Variants in STX18 observed in about 807,000 individuals in gnomAD.
STX18 encodes the protein syntaxin-18.
A neutral mutation model predicts 50.1 loss-of-function variants in STX18; 40 were observed. The ratio of observed to expected loss-of-function variants is 0.80; its 90% CI spans 0.62 to 1.04. STX18 has a LOEUF of 1.04. Among genes scored for constraint, STX18 ranks in the 50% least tolerant of loss-of-function variants. The pLI, the probability that STX18 is intolerant of heterozygous loss-of-function variation, is 0.00. For synonymous variants in STX18, 158 were observed against 151.8 expected (o/e 1.04, Z -0.30); for missense variants, 410 against 415.8 (o/e 0.99, Z 0.12).
intron 1 of STX18, among the ~76,000 whole-genome samples, chr4:4,538,027 T>C (rs1197577301): frequency 6.6e-6 from 1 of 151,968 alleles, no homozygotes; most frequent in Non-Finnish European, 1.5e-5. Flanking sequence ...GCTACGACTT[T>C]GGGCAAGTAA....
chr4:4,542,000 C>A lies in STX18; in HGVS notation c.-36G>T. The A allele has an allele frequency of 6.5e-7, 1 of 1,534,762 alleles. No individual in the cohort carries two copies. Among genetic ancestry groups the A allele is most frequent in the East Asian group, 2.5e-5 (1 of 39,266 alleles). On this transcript the variant is annotated 5_prime_UTR_variant, in exon 1 of 11. Transcript: ENST00000306200. ...ACCCTCAGCCCCACACTAGGCCCGC[C>A]CACGTAAGCAGCCGGCGACCGCGGC... is the stretch of plus-strand genomic sequence containing the variant.
chr4:4,487,681 C>T (rs1279944235), intron 1 of STX18, among the ~76,000 whole-genome samples: 1 of 152,192 alleles, frequency 6.6e-6, no homozygotes, highest in African/African-American at 2.4e-5. Context: ...AAAACAAACC[C>T]ATCAATTTTA....
chr4:4,484,154 G>GCA (rs1728600764), intron 1 of STX18, among the ~76,000 whole-genome samples: 1 of 152,060 alleles, frequency 6.6e-6, no homozygotes, highest in Non-Finnish European at 1.5e-5. Flanking sequence ...GAGCCACCGT[G>GCA]CCCGGCCCCT....
chr4:4,514,326 C>T (rs1406531321), intron 1 of STX18, among the ~76,000 whole-genome samples: 1 of 152,156 alleles, frequency 6.6e-6, no homozygotes, highest in Non-Finnish European at 1.5e-5. Flanking sequence ...GATAGTGCAG[C>T]TTCAATGGAA....
At chr4:4,436,500 AC>A (rs1245544148) in intron 6 of STX18, among the ~76,000 whole-genome samples, 5 of 152,114 alleles carry the variant, frequency 3.3e-5, no homozygotes, top group Non-Finnish European at 5.9e-5. Flanking sequence ...AAGGAAAAAA[AC>A]ATCAAAATTA....
At chr4:4,446,843 A>C (rs1726434373) in intron 5 of STX18, among the ~76,000 whole-genome samples, 1 of 152,260 alleles carries the variant, frequency 6.6e-6, no homozygotes, top group Non-Finnish European at 1.5e-5. Flanking sequence ...CTATAAAAGA[A>C]TGTTTACAGC....
At chr4:4,438,240 A>G (rs1560163622) in intron 6 of STX18, among the ~76,000 whole-genome samples, 154 bp downstream of exon 6, 1 of 152,256 alleles carries the variant, frequency 6.6e-6, no homozygotes, top group Non-Finnish European at 1.5e-5. Context: ...CAACTGTGAC[A>G]GACACAAAGG....
intron 1 of STX18, among the ~76,000 whole-genome samples, chr4:4,531,032 A>G (rs1272760346): frequency 6.6e-6 from 1 of 152,178 alleles, no homozygotes; most frequent in Admixed American, 6.5e-5. Context: ...TAATGTATGT[A>G]TGAAACAAGG....
intron 1 of STX18, among the ~76,000 whole-genome samples, chr4:4,529,817 G>C (rs1577406857): frequency 6.6e-6 from 1 of 152,182 alleles, no homozygotes; most frequent in East Asian, 1.9e-4. Context: ...AGGTACAGTA[G>C]GTGCTCAACA....
chr4:4,469,893 G>T (rs1416231941), intron 2 of STX18, among the ~76,000 whole-genome samples: 1 of 152,148 alleles, frequency 6.6e-6, no homozygotes, highest in African/African-American at 2.4e-5. Context: ...CTTTACCGAG[G>T]AGTAGGCTCT....
At chr4:4,435,547 C>A (rs1163766945) in intron 6 of STX18, among the ~76,000 whole-genome samples, 1 of 152,096 alleles carries the variant, frequency 6.6e-6, no homozygotes, top group Non-Finnish European at 1.5e-5. Flanking sequence ...GGAGATGGTC[C>A]AAGTAGATCT....
intron 1 of STX18, among the ~76,000 whole-genome samples, chr4:4,539,173 G>T (rs1560217328): frequency 6.6e-6 from 1 of 152,120 alleles, no homozygotes; most frequent in African/African-American, 2.4e-5. Context: ...GAATGGAATG[G>T]AAGAATAGAA....
chr4:4,515,951 T>C (rs1730247315), intron 1 of STX18, among the ~76,000 whole-genome samples: 3 of 152,154 alleles, frequency 2.0e-5, no homozygotes, highest in Non-Finnish European at 2.9e-5. Context: ...AAAGCTTTTG[T>C]GATGAGAAAA....
intron 1 of STX18, among the ~76,000 whole-genome samples, chr4:4,490,707 C>T (rs77062181): frequency 6.6e-6 from 1 of 152,254 alleles, no homozygotes; most frequent in Non-Finnish European, 1.5e-5. Context: ...CAAAAAACTT[C>T]ATCCATGTTC....
At chr4:4,468,461 A>G (rs1727733893) in intron 2 of STX18, among the ~76,000 whole-genome samples, 4 of 152,092 alleles carry the variant, frequency 2.6e-5, no homozygotes, top group Admixed American at 2.6e-4. Flanking sequence ...TAGCTATCAG[A>G]AAGAGACACA....
chr4:4,510,747 C>T (rs988714523), intron 1 of STX18, among the ~76,000 whole-genome samples: 3 of 152,104 alleles, frequency 2.0e-5, no homozygotes, highest in Admixed American at 6.5e-5. Context: ...AGACATGGAA[C>T]GAACCCAAAG....
intron 1 of STX18, among the ~76,000 whole-genome samples, chr4:4,497,625 C>T (rs890915726): frequency 6.6e-5 from 10 of 152,074 alleles, no homozygotes; most frequent in Middle Eastern, 3.2e-3. Context: ...AACTGAGGCC[C>T]ATAAAGGTTA....
chr4:4,435,056 C>G (rs888710456), intron 6 of STX18, among the ~76,000 whole-genome samples, 198 bp from the exon 7 acceptor site: 5 of 152,118 alleles, frequency 3.3e-5, no homozygotes, highest in African/African-American at 1.2e-4. Context: ...TGTCTTTGTG[C>G]AGGCACGTGC....
At chr4:4,422,921 A>G (rs531164178) in intron 9 of STX18, among the ~76,000 whole-genome samples, 5 of 152,316 alleles carry the variant, frequency 3.3e-5, no homozygotes, top group African/African-American at 4.8e-5. Context: ...TAAAAGGGCA[A>G]ATTTATCAGG....
Sources: allele counts gnomAD v4.1 joint callset (sites outside exome capture counted in the v4.1 genomes callset), GRCh38; gene constraint gnomAD v4.1.1; transcripts MANE v1.5; gene names NCBI Gene and HGNC (gene_info 2026-07-23, HGNC 2026-07-21).